Variants in KCNJ16 observed in about 807,000 individuals in gnomAD.
KCNJ16 encodes the protein potassium inwardly rectifying channel subfamily J member 16.
Under a neutral mutation model 18.5 loss-of-function variants are expected in KCNJ16, and 15 were observed. That is an observed-to-expected ratio of 0.81 (90% confidence interval 0.54 to 1.25). The LOEUF (loss-of-function observed/expected upper bound fraction) is 1.25. KCNJ16 is among the 50% of genes most tolerant of loss of function. KCNJ16 has a pLI of 0.00. For missense variants in KCNJ16, 523 were observed against 525.7 expected, an observed-to-expected ratio of 0.99 and a Z score of 0.05; for synonymous variants, 174 against 186.5, an observed-to-expected ratio of 0.93 and a Z score of 0.55.
intron 2 of KCNJ16, among the ~76,000 whole-genome samples, chr17:70,116,448 G>A (rs962092343): frequency 3.3e-5 from 5 of 152,092 alleles, no homozygotes; most frequent in South Asian, 2.1e-4. Context: ...TGCTGAGAAC[G>A]GAATTGCTGC....
At chr17:70,076,841 G>A (rs552866046) in intron 1 of KCNJ16, among the ~76,000 whole-genome samples, 22 of 152,232 alleles carry the variant, frequency 1.4e-4, no homozygotes, top group African/African-American at 4.1e-4. Context: ...ATTTGGCACC[G>A]AAATAATACA....
intron 2 of KCNJ16, among the ~76,000 whole-genome samples, chr17:70,103,321 T>TATATATATATATATATATAC (rs1355893521): frequency 1.1e-4 from 5 of 44,488 alleles, no homozygotes; most frequent in African/African-American, 3.5e-4. Context: ...TATATATATA[T>TATATATATATATATATATAC]ACACACACAT....
At chr17:70,083,518 T>C (rs2071648445) in intron 1 of KCNJ16, among the ~76,000 whole-genome samples, 1 of 151,910 alleles carries the variant, frequency 6.6e-6, no homozygotes, top group Non-Finnish European at 1.5e-5. Flanking sequence ...CACAAATACT[T>C]ACCATTGTGT....
chr17:70,133,522 A>G lies in KCNJ16; in HGVS notation c.*178A>G. 1 of 568,190 alleles carries G rather than the reference A, an allele frequency of 1.8e-6. No homozygotes were observed. The highest frequency in any genetic ancestry group is 1.9e-5 in the African/African-American group (1 of 53,476). The allele number at this position is 568,190 out of a possible 1,614,324, so 35.2% of individuals were successfully genotyped here. Reference sequence around the variant, plus strand: ...AAAAATTCCATAGTTCTCAGTTATTAAAATTTTTCTTGTTCGCCAATTTTG... The same window carrying G: ...AAAAATTCCATAGTTCTCAGTTATTGAAATTTTTCTTGTTCGCCAATTTTG... On this transcript the variant is annotated 3_prime_UTR_variant, in exon 4 of 4. Coordinates refer to ENST00000392671, the MANE Select transcript of KCNJ16 (RefSeq NM_170741.4).
intron 2 of KCNJ16, chr17:70,102,215 C>CTTTTTTTTTT (rs10600577): frequency 2.1e-5 from 1 of 48,128 alleles, no homozygotes; most frequent in African/African-American, 8.4e-5. Context: ...ACCAAAAGTA[C>CTTTTTTTTTT]TTTTTTTTTT....
intron 2 of KCNJ16, among the ~76,000 whole-genome samples, chr17:70,124,839 T>C (rs1170855304): frequency 2.6e-5 from 4 of 152,102 alleles, no homozygotes; most frequent in Non-Finnish European, 5.9e-5. Flanking sequence ...AAGTAATACA[T>C]AGCAAAGGAG....
intron 2 of KCNJ16, among the ~76,000 whole-genome samples, chr17:70,124,207 G>T (rs1038408478): frequency 6.6e-6 from 1 of 152,196 alleles, no homozygotes; most frequent in Non-Finnish European, 1.5e-5. Context: ...AACCTTCTTG[G>T]ATGGCCCTGG....
chr17:70,127,436 G>C (rs988659992), intron 2 of KCNJ16, among the ~76,000 whole-genome samples: 1 of 116,644 alleles, frequency 8.6e-6, no homozygotes, highest in African/African-American at 3.4e-5. Context: ...ATAATTCTAC[G>C]GCAAGGGCAA....
chr17:70,095,870 CTT>C (rs147216245), intron 1 of KCNJ16, among the ~76,000 whole-genome samples: 76,785 of 95,594 alleles, frequency 0.8, 33,359 homozygotes, highest in East Asian at 0.92. Flanking sequence ...TTACTTAATC[CTT>C]TTTTTTTTTT....
intron 2 of KCNJ16, among the ~76,000 whole-genome samples, chr17:70,125,220 G>C (rs1449198471): frequency 6.6e-6 from 1 of 151,522 alleles, no homozygotes; most frequent in Non-Finnish European, 1.5e-5. Context: ...CAGTGAGCTC[G>C]GATCATGCCA....
At chr17:70,096,640 A>C (rs934157517) in intron 1 of KCNJ16, 1 of 280,032 alleles carries the variant, frequency 3.6e-6, no homozygotes, top group Non-Finnish European at 6.6e-6. Flanking sequence ...TTCTAAATTA[A>C]CAATCTTTTG....
At chr17:70,098,672 G>A (rs952534778) in intron 1 of KCNJ16, among the ~76,000 whole-genome samples, 1 of 151,908 alleles carries the variant, frequency 6.6e-6, no homozygotes, top group Non-Finnish European at 1.5e-5. Context: ...CACTGTCATC[G>A]AAGATTAATT....
chr17:70,085,879 A>C (rs530163605), intron 1 of KCNJ16, among the ~76,000 whole-genome samples: 10 of 152,192 alleles, frequency 6.6e-5, no homozygotes, highest in Admixed American at 3.9e-4. Flanking sequence ...CAAACAGAAA[A>C]ATCAATAAAG....
chr17:70,132,863 A>T lies in KCNJ16; in HGVS notation c.776A>T (p.His259Leu), dbSNP rs778439169. Residue 259 changes from histidine (H) to leucine (L), a missense_variant, in exon 4 of 4, where the codon CAT becomes CTT. His to Leu is a moderately conservative substitution (Grantham distance 99). Transcript: ENST00000392671. ...GTAACTATTGTCCATGAAATTGACC[A>T]TGAGAGCCCTCTGTATGCCCTTGAC... is the stretch of plus-strand genomic sequence containing the variant. ...TPVTIVHEIDHESPLYALDRK... is the reference protein window; with the variant it reads ...TPVTIVHEIDLESPLYALDRK... The T allele has an allele frequency of 6.2e-7, 1 of 1,614,126 alleles. No homozygotes were observed. Among genetic ancestry groups the T allele is most frequent in the Non-Finnish European group, 8.5e-7 (1 of 1,180,042 alleles).
chr17:70,112,392 C>T (rs1323421237), intron 2 of KCNJ16, among the ~76,000 whole-genome samples: 15 of 149,098 alleles, frequency 1.0e-4, no homozygotes, highest in Admixed American at 1.0e-3. Flanking sequence ...GGCATCCAGT[C>T]TATGTTTCTA....
At chr17:70,091,638 T>C (rs2143706180) in intron 1 of KCNJ16, among the ~76,000 whole-genome samples, 1 of 152,194 alleles carries the variant, frequency 6.6e-6, no homozygotes, top group African/African-American at 2.4e-5. Flanking sequence ...CTCTGATGTT[T>C]CCATGGCATC....
chr17:70,100,904 C>T (rs2072591756), intron 2 of KCNJ16, 138 bp downstream of exon 2: 1 of 152,200 alleles, frequency 6.6e-6, no homozygotes, highest in South Asian at 2.1e-4. Context: ...TTTTCATAAA[C>T]TTTGCTACAG....
At chr17:70,077,303 G>C (rs1261599329) in intron 1 of KCNJ16, among the ~76,000 whole-genome samples, 1 of 152,106 alleles carries the variant, frequency 6.6e-6, no homozygotes, top group African/African-American at 2.4e-5. Context: ...CGTAGATTTA[G>C]ATAAGTGGAG....
intron 2 of KCNJ16, among the ~76,000 whole-genome samples, chr17:70,112,361 AT>A (rs929677629): frequency 3.6e-3 from 517 of 144,868 alleles, no homozygotes; most frequent in East Asian, 9.2e-3. Context: ...CTGGTTTCTA[AT>A]TTTTTTTTTT....
Sources: allele counts gnomAD v4.1 joint callset (sites outside exome capture counted in the v4.1 genomes callset), GRCh38; gene constraint gnomAD v4.1.1; transcripts MANE v1.5; gene names NCBI Gene and HGNC (gene_info 2026-07-23, HGNC 2026-07-21).